Variants in COPS5 observed in about 807,000 individuals in gnomAD.
The protein encoded by COPS5 is COP9 signalosome subunit 5, also known as COP9 signalosome complex subunit 5.
COPS5 carries 8 observed loss-of-function variants against 44.4 expected under a neutral mutation model. That is an observed-to-expected ratio of 0.18 (90% CI 0.11 to 0.32). The LOEUF (loss-of-function observed/expected upper bound fraction) is 0.32. COPS5 is among the 10% of genes least tolerant of loss of function. The probability of loss-of-function intolerance (pLI) is 1.00; values close to 1 mark genes in which losing one functional copy is unlikely to be tolerated. For missense variants in COPS5, 159 were observed against 406.4 expected (o/e 0.39, Z 5.23); for synonymous variants, 122 against 142.8 (o/e 0.85, Z 1.04).
At chr8:67,048,885 T>C (rs1046806675) in intron 6 of COPS5, among the ~76,000 whole-genome samples, 1 of 152,200 alleles carries the variant, frequency 6.6e-6, no homozygotes, top group African/African-American at 2.4e-5. Context: ...TCAGAGTACT[T>C]AATGATGTAT....
chr8:67,045,568 G>A (rs1476598600), intron 7 of COPS5: 2 of 462,016 alleles, frequency 4.3e-6, no homozygotes, highest in Non-Finnish European at 7.7e-6. Context: ...GTGACTGGGA[G>A]TGTTCCGTAA....
intron 1 of COPS5, 105 bp downstream of exon 1, chr8:67,061,749 C>T (rs7812572): frequency 5.3e-6 from 6 of 1,138,350 alleles, no homozygotes; most frequent in Non-Finnish European, 7.7e-6. Flanking sequence ...CTGTCCCCCT[C>T]CCAGTCGGTG....
intron 5 of COPS5, among the ~76,000 whole-genome samples, chr8:67,053,078 G>A (rs1804442901): frequency 6.6e-6 from 1 of 151,822 alleles, no homozygotes; most frequent in Admixed American, 6.6e-5. Context: ...AGACACATAG[G>A]CACCCTTTTA....
chr8:67,057,790 T>C (rs1044577440), intron 3 of COPS5, among the ~76,000 whole-genome samples: 1 of 152,194 alleles, frequency 6.6e-6, no homozygotes, highest in East Asian at 1.9e-4. Flanking sequence ...AGAGCTGCTC[T>C]AGCAATTCCT....
chr8:67,061,340 A>G, intron 1 of COPS5: 1 of 440,702 alleles, frequency 2.3e-6, no homozygotes, highest in Non-Finnish European at 4.5e-6. Context: ...CTGTAATCCC[A>G]GCACTTTGGA....
chr8:67,050,299 C>T (rs1288792347), intron 6 of COPS5, among the ~76,000 whole-genome samples: 1 of 152,228 alleles, frequency 6.6e-6, no homozygotes, highest in African/African-American at 2.4e-5. Flanking sequence ...CCGCGCCCGG[C>T]CTCTTTTTTT....
intron 1 of COPS5, chr8:67,061,156 C>G (rs1008174179): frequency 5.2e-6 from 1 of 193,664 alleles, no homozygotes; most frequent in African/African-American, 2.4e-5. Context: ...TGTCACCACT[C>G]CCAGGGAAAA....
intron 6 of COPS5, chr8:67,047,624 T>C: frequency 2.1e-6 from 1 of 476,220 alleles, no homozygotes; most frequent in Non-Finnish European, 3.8e-6. Flanking sequence ...ATCTACATAT[T>C]TGTTCTTAAA....
chr8:67,046,967 A>G (rs2129537747), intron 6 of COPS5, among the ~76,000 whole-genome samples: 1 of 152,258 alleles, frequency 6.6e-6, no homozygotes, highest in African/African-American at 2.4e-5. Flanking sequence ...AACTGCAACT[A>G]AAGAGCATTG....
chr8:67,056,115 T>G (rs182835763), intron 5 of COPS5, among the ~76,000 whole-genome samples: 78 of 152,280 alleles, frequency 5.1e-4, no homozygotes, highest in Admixed American at 1.5e-3. Context: ...AAGTTTAGGT[T>G]GTTTAAAAGG....
At chr8:67,047,707 T>C in intron 6 of COPS5, 1 of 663,938 alleles carries the variant, frequency 1.5e-6, no homozygotes, top group Non-Finnish European at 2.7e-6. Flanking sequence ...ATTAATGTCC[T>C]CATGTATGCA....
intron 6 of COPS5, among the ~76,000 whole-genome samples, chr8:67,048,884 TTAA>T (rs1369661313): frequency 6.6e-6 from 1 of 152,226 alleles, no homozygotes; most frequent in Non-Finnish European, 1.5e-5. Context: ...CTCAGAGTAC[TTAA>T]TGATGTATGT....
chr8:67,043,384 C>T, intron 7 of COPS5, 67 bp from the exon 8 acceptor site: 1 of 961,714 alleles, frequency 1.0e-6, no homozygotes, highest in East Asian at 2.5e-5. Flanking sequence ...ACAAGATCAG[C>T]CCCAATCCAT....
At chr8:67,060,281 G>C (rs556394023) in intron 1 of COPS5, 3 of 1,073,468 alleles carry the variant, frequency 2.8e-6, no homozygotes, top group Non-Finnish European at 3.5e-6. Context: ...TAGACAGTGA[G>C]GCAGGCCAAC....
At chr8:67,049,631 A>C (rs1481651396) in intron 6 of COPS5, among the ~76,000 whole-genome samples, 1 of 152,168 alleles carries the variant, frequency 6.6e-6, no homozygotes, top group East Asian at 1.9e-4. Context: ...TTGAAAGCTC[A>C]ATCCAACAAC....
At chr8:67,059,780 T>A in intron 1 of COPS5, 1 of 280,698 alleles carries the variant, frequency 3.6e-6, no homozygotes, top group East Asian at 9.0e-5. Flanking sequence ...CTTGGATGGT[T>A]GTGCCTAACT....
chr8:67,060,881 G>C (rs1804591820), intron 1 of COPS5: 1 of 171,854 alleles, frequency 5.8e-6, no homozygotes, highest in African/African-American at 2.4e-5. Flanking sequence ...AAATGACGTG[G>C]AAATCTCTAG....
rs5892073 is a variant in COPS5 at position 67,050,614 on chromosome 8, AGTGTGTGT to A, written c.771+608_771+615del. Among the ~76,000 whole-genome samples the A allele has an allele frequency of 1.7e-4, 24 of 141,150 alleles. No individual in the cohort carries two copies. In the South Asian group the frequency reaches 3.0e-3, roughly 17 times the overall value. 92.6% of individuals were successfully genotyped at this position (141,150 alleles called of 152,430 possible). A position where few individuals can be genotyped will look rare whatever the true frequency, so the allele number is the denominator to read the frequency against. On this transcript the variant is annotated intron_variant, in intron 6 of 7. Coordinates refer to ENST00000357849, the MANE Select transcript of COPS5 (RefSeq NM_006837.3). Reference sequence around the variant, plus strand: ...TGACCTGGAAATATGTGAGTGTGAGAGTGTGTGTGTGTGTGTGTGTGTGTGTGTATCTT... The same window carrying A: ...TGACCTGGAAATATGTGAGTGTGAGAGTGTGTGTGTGTGTGTGTGTATCTT...
chr8:67,052,901 G>A (rs1001582493), intron 5 of COPS5, among the ~76,000 whole-genome samples: 5 of 151,756 alleles, frequency 3.3e-5, no homozygotes, highest in Admixed American at 6.6e-5. Flanking sequence ...AGAATGGAAG[G>A]TACTTGAGTA....
Sources: gnomAD v4.1 joint callset for allele counts (sites outside exome capture counted in the v4.1 genomes callset) on GRCh38, gnomAD v4.1.1 for gene constraint, MANE v1.5 for transcripts, NCBI Gene and HGNC (gene_info 2026-07-23, HGNC 2026-07-21) for gene names.